EPB41L4B: variants seen among roughly 807,000 people sequenced by gnomAD.
EPB41L4B encodes erythrocyte membrane protein band 4.1 like 4B.
EPB41L4B carries 30 observed loss-of-function variants against 112.5 expected under a neutral mutation model. That is an observed-to-expected ratio of 0.27 (90% CI 0.20 to 0.36). The LOEUF (loss-of-function observed/expected upper bound fraction) is 0.36, where lower values mean the gene tolerates loss of function less well. EPB41L4B is among the 10% of genes least tolerant of loss of function. The probability of loss-of-function intolerance (pLI) is 1.00; values close to 1 mark genes in which losing one functional copy is unlikely to be tolerated. For synonymous variants in EPB41L4B, 408 were observed against 439.7 expected (o/e 0.93, Z 0.90); for missense variants, 1,024 against 1,133.3 (o/e 0.90, Z 1.38).
intron 1 of EPB41L4B, among the ~76,000 whole-genome samples, chr9:109,319,382 AAGTC>A (rs1301983709): frequency 2.0e-5 from 3 of 152,100 alleles, no homozygotes; most frequent in Admixed American, 6.6e-5. Flanking sequence ...CCAAGGGAGA[AAGTC>A]AGGCGCGCCT....
At chr9:109,277,033 C>T (rs1224013059) in intron 2 of EPB41L4B, among the ~76,000 whole-genome samples, 1 of 152,068 alleles carries the variant, frequency 6.6e-6, no homozygotes, top group African/African-American at 2.4e-5. Context: ...CTATCTAAAG[C>T]CTACCAAATG....
intron 17 of EPB41L4B, 61 bp from the exon 18 acceptor site, chr9:109,208,110 C>T: frequency 1.2e-6 from 2 of 1,602,216 alleles, no homozygotes; most frequent in Non-Finnish European, 1.7e-6. Context: ...TGTGCATTAA[C>T]TTTTCCCAAT....
intron 1 of EPB41L4B, among the ~76,000 whole-genome samples, chr9:109,312,518 C>T (rs140295868): frequency 6.6e-6 from 1 of 152,144 alleles, no homozygotes; most frequent in African/African-American, 2.4e-5. Context: ...CTCCCACCCC[C>T]CTCGCCCAGC....
chr9:109,305,373 C>A (rs1337743431), intron 1 of EPB41L4B, among the ~76,000 whole-genome samples: 1 of 152,216 alleles, frequency 6.6e-6, no homozygotes, highest in East Asian at 1.9e-4. Context: ...AATCCCAGCA[C>A]TTTGGGAGGC....
intron 17 of EPB41L4B, among the ~76,000 whole-genome samples, chr9:109,210,312 C>A (rs547620674): frequency 6.6e-6 from 1 of 152,260 alleles, no homozygotes; most frequent in African/African-American, 2.4e-5. Context: ...AATCCTGTTA[C>A]ATCAAGATAA....
rs1835962890 is a variant in EPB41L4B, at chr9:109,279,684, A to T, written c.411+133T>A. 4.0e-6 allele frequency: 3 copies of T among 749,534 alleles called. No homozygotes were observed. The East Asian group carries it at 8.1e-5, about 20-fold the overall frequency. 46.4% of individuals were successfully genotyped at this position (749,534 alleles called of 1,614,324 possible). ...ATGGCACTTGGGCACCACAACCTCC[A>T]TCCCAATGCCTGTTACTGGCACAGT... On this transcript the variant is annotated intron_variant, in intron 2 of 25. Transcript: ENST00000374566.
chr9:109,315,479 T>C (rs892712724), intron 1 of EPB41L4B, among the ~76,000 whole-genome samples: 1 of 152,218 alleles, frequency 6.6e-6, no homozygotes, highest in South Asian at 2.1e-4. Flanking sequence ...CTGCCAGGAA[T>C]GTACCCCATC....
In EPB41L4B at chr9:109,213,913, C is replaced by T. The variant is rs535692793; in HGVS notation, c.1634-95G>A. ...ACTTGCCAGCGCCCGATTCCCAGCA[C>T]CCTTTCTGCCGGCCTCCTCCTCCAG... On this transcript the variant is annotated intron_variant, in intron 16 of 25. Coordinates refer to ENST00000374566, the MANE Select transcript of EPB41L4B (RefSeq NM_019114.5). The T allele has an allele frequency of 1.8e-5, 20 of 1,087,714 alleles. No homozygotes were observed. In the East Asian group the frequency reaches 4.8e-4, roughly 26 times the overall value. 67.4% of individuals were successfully genotyped at this position (1,087,714 alleles called of 1,614,324 possible). A position where few individuals can be genotyped will look rare whatever the true frequency, so the allele number is the denominator to read the frequency against.
chr9:109,276,157 AC>A, intron 2 of EPB41L4B, among the ~76,000 whole-genome samples: 1 of 444 alleles, frequency 2.3e-3, no homozygotes, highest in Non-Finnish European at 2.7e-3. Flanking sequence ...GTGTGTATAC[AC>A]ACACACACAC....
At chr9:109,251,646 G>T in intron 12 of EPB41L4B, 135 bp from the exon 13 acceptor site, 1 of 798,184 alleles carries the variant, frequency 1.3e-6, no homozygotes, top group Non-Finnish European at 2.2e-6. Context: ...GAACTGCATG[G>T]TGGCTACTTC....
At chr9:109,307,166 C>T in intron 1 of EPB41L4B, 1 of 435,636 alleles carries the variant, frequency 2.3e-6, no homozygotes, top group Non-Finnish European at 4.5e-6. Flanking sequence ...CGACATGTTA[C>T]AGTAATTCTA....
At chr9:109,200,850 T>C (rs1832801092) in intron 19 of EPB41L4B, among the ~76,000 whole-genome samples, 2 of 152,206 alleles carry the variant, frequency 1.3e-5, no homozygotes, top group Middle Eastern at 3.2e-3. Context: ...TAGGACTTGC[T>C]GTAACACATT....
At chr9:109,298,420 TCTC>T (rs1836822844) in intron 1 of EPB41L4B, among the ~76,000 whole-genome samples, 1 of 151,598 alleles carries the variant, frequency 6.6e-6, no homozygotes, top group African/African-American at 2.4e-5. Flanking sequence ...TTCAAGCAAT[TCTC>T]CTGCCTCAGC....
intron 1 of EPB41L4B, among the ~76,000 whole-genome samples, chr9:109,281,344 C>T (rs905532943): frequency 6.6e-6 from 1 of 152,292 alleles, no homozygotes; most frequent in Admixed American, 6.5e-5. Flanking sequence ...CTCAGCATCA[C>T]TAGTCATGAG....
intron 24 of EPB41L4B, among the ~76,000 whole-genome samples, chr9:109,182,131 C>T (rs1564248179): frequency 6.6e-6 from 1 of 152,180 alleles, no homozygotes; most frequent in Non-Finnish European, 1.5e-5. Context: ...AACACTTGAA[C>T]CTGGGAGGTG....
intron 15 of EPB41L4B, among the ~76,000 whole-genome samples, chr9:109,228,950 C>T (rs1833867997): frequency 6.6e-6 from 1 of 152,166 alleles, no homozygotes; most frequent in Non-Finnish European, 1.5e-5. Flanking sequence ...TTTTCTATGA[C>T]ATTTTGAAAT....
intron 1 of EPB41L4B, among the ~76,000 whole-genome samples, chr9:109,298,877 C>CA (rs1256505165): frequency 1.3e-5 from 2 of 151,858 alleles, no homozygotes; most frequent in African/African-American, 2.4e-5. Flanking sequence ...AGTATTCTTA[C>CA]AAAAAAAAGT....
At chr9:109,184,823 C>T (rs1044806113) in intron 23 of EPB41L4B, among the ~76,000 whole-genome samples, 5 of 152,170 alleles carry the variant, frequency 3.3e-5, no homozygotes, top group African/African-American at 4.8e-5. Flanking sequence ...GAACAAAGCG[C>T]ACATCCTGTA....
chr9:109,203,938 C>T (rs1832913527), intron 18 of EPB41L4B, among the ~76,000 whole-genome samples: 1 of 152,186 alleles, frequency 6.6e-6, no homozygotes, highest in Non-Finnish European at 1.5e-5. Flanking sequence ...TTAAGACAAT[C>T]ATTCAGATGC....
Sources: allele counts gnomAD v4.1 joint callset (sites outside exome capture counted in the v4.1 genomes callset), GRCh38; gene constraint gnomAD v4.1.1; transcripts MANE v1.5; gene names NCBI Gene and HGNC (gene_info 2026-07-23, HGNC 2026-07-21).